KCNH7: variants seen among roughly 807,000 people sequenced by gnomAD.
KCNH7 encodes the protein potassium voltage-gated channel subfamily H member 7.
In KCNH7, 49 loss-of-function variants were observed where a neutral mutation model predicts 120.8. The observed-to-expected ratio is 0.41, with a 90% CI of 0.32 to 0.51. The LOEUF (loss-of-function observed/expected upper bound fraction) is 0.51. Among genes scored for constraint, KCNH7 ranks in the 20% least tolerant of loss-of-function variants. KCNH7 has a pLI of 0.38. For synonymous variants in KCNH7, 547 were observed against 516.1 expected, an observed-to-expected ratio of 1.06 and a Z score of -0.81; for missense variants, 1,097 against 1,446.6, an observed-to-expected ratio of 0.76 and a Z score of 3.92.
At chr2:162,378,458 T>C (rs978722932) in intron 14 of KCNH7, among the ~76,000 whole-genome samples, 1 of 152,114 alleles carries the variant, frequency 6.6e-6, no homozygotes, top group African/African-American at 2.4e-5. Context: ...ACACAAAAAT[T>C]TAAGCATAAA....
Position 162,526,265 on chromosome 2 carries a change from G to A in KCNH7, c.464-8107C>T, listed in dbSNP as rs544262480. Among the ~76,000 whole-genome samples, 97 of 152,086 alleles carry A rather than the reference G, an allele frequency of 6.4e-4. 2 individuals carry two copies. The South Asian group carries it at 0.014, about 21-fold the overall frequency. On this transcript the variant is annotated intron_variant, in intron 3 of 15. Coordinates refer to ENST00000332142, the MANE Select transcript of KCNH7 (RefSeq NM_033272.4). ...CACAAGGCAAATGGAGGCAGGGCAA[G>A]ATCACAGGACCACAGGACCGAGGTG... is the stretch of plus-strand genomic sequence containing the variant.
chr2:162,449,553 T>C (rs928574228), intron 6 of KCNH7, among the ~76,000 whole-genome samples: 1 of 152,094 alleles, frequency 6.6e-6, no homozygotes, highest in South Asian at 2.1e-4. Flanking sequence ...ATCCAATAAC[T>C]GGTATCCCTA....
intron 2 of KCNH7, among the ~76,000 whole-genome samples, chr2:162,632,725 A>T (rs1345000111): frequency 6.6e-6 from 1 of 151,846 alleles, no homozygotes; most frequent in Non-Finnish European, 1.5e-5. Flanking sequence ...CTTTATTTAA[A>T]AACCTGAAGA....
At chr2:162,511,694 C>A (rs1691081654) in intron 5 of KCNH7, among the ~76,000 whole-genome samples, 2 of 151,628 alleles carry the variant, frequency 1.3e-5, no homozygotes, top group South Asian at 4.1e-4. Flanking sequence ...CCATCACCAG[C>A]TCTGAATTAT....
chr2:162,532,007 C>T (rs562834075), intron 3 of KCNH7, among the ~76,000 whole-genome samples: 2 of 151,988 alleles, frequency 1.3e-5, no homozygotes, highest in African/African-American at 4.8e-5. Flanking sequence ...AGGCTTCCAG[C>T]TTCCCATAGA....
At chr2:162,698,036 A>G (rs1686353434) in intron 2 of KCNH7, among the ~76,000 whole-genome samples, 1 of 152,152 alleles carries the variant, frequency 6.6e-6, no homozygotes, top group South Asian at 2.1e-4. Flanking sequence ...AGCGCATACA[A>G]ATTGGATTCA....
chr2:162,676,919 C>CA (rs142004629), intron 2 of KCNH7, among the ~76,000 whole-genome samples: 1,722 of 151,036 alleles, frequency 0.011, 32 homozygotes, highest in African/African-American at 0.039. Flanking sequence ...ATATCATTTA[C>CA]GAAAAAAATT....
intron 2 of KCNH7, among the ~76,000 whole-genome samples, chr2:162,541,694 G>A (rs763221842): frequency 3.2e-4 from 48 of 152,156 alleles, no homozygotes; most frequent in Admixed American, 6.6e-4. Context: ...TGTAAGAGGC[G>A]GGGGATCGGG....
At chr2:162,584,921 T>TCTAC (rs1693981247) in intron 2 of KCNH7, among the ~76,000 whole-genome samples, 1 of 148,714 alleles carries the variant, frequency 6.7e-6, no homozygotes, top group Non-Finnish European at 1.5e-5. Flanking sequence ...TTTTTTTTAG[T>TCTAC]CTGTAAAGCA....
chr2:162,702,121 C>T (rs2105344977), intron 2 of KCNH7, among the ~76,000 whole-genome samples: 1 of 151,874 alleles, frequency 6.6e-6, no homozygotes, highest in Non-Finnish European at 1.5e-5. Context: ...AAAATTTTTT[C>T]AAAATATTCG....
At chr2:162,457,973 A>G (rs1689024236) in intron 6 of KCNH7, among the ~76,000 whole-genome samples, 1 of 152,168 alleles carries the variant, frequency 6.6e-6, no homozygotes, top group Non-Finnish European at 1.5e-5. Context: ...CACACAATAA[A>G]TCAAAGATGT....
rs534812981 is a variant in KCNH7, at chr2:162,595,174, T to C, written c.308-58094A>G. ...GGAGGCCTCAGGAAACTTACAATCA[T>C]GGCAGAAGGCAAAGGAGAAGCAAGC... On this transcript the variant is annotated intron_variant, in intron 2 of 15. Coordinates refer to ENST00000332142, the MANE Select transcript of KCNH7 (RefSeq NM_033272.4). Among the ~76,000 whole-genome samples the C allele has an allele frequency of 6.3e-4, 96 of 152,146 alleles. 1 individual carries two copies. The highest frequency in any genetic ancestry group is 2.2e-3 in the African/African-American group (90 of 41,540).
At chr2:162,687,158 A>ATTC (rs1232535155) in intron 2 of KCNH7, among the ~76,000 whole-genome samples, 2 of 152,006 alleles carry the variant, frequency 1.3e-5, no homozygotes, top group Admixed American at 1.3e-4. Context: ...CTCGGGTCAT[A>ATTC]TTCTCCACGG....
chr2:162,523,022 T>G (rs930085945), intron 3 of KCNH7, among the ~76,000 whole-genome samples: 1 of 151,990 alleles, frequency 6.6e-6, no homozygotes, highest in Admixed American at 6.6e-5. Flanking sequence ...TCTTTCTCTG[T>G]GAAAAGTCTA....
chr2:162,504,506 A>G lies in KCNH7; in HGVS notation c.1065T>C (p.Asp355=). Residue 355 remains aspartate, a synonymous_variant, in exon 6 of 16, where the codon GAT becomes GAC. Transcript: ENST00000332142. ...TAACCTTGGGTGCAATAATGGTTTT[A>G]TCTGAAGAAGGAGGTGATGAATTCT... ...EKKNSSPPSS[D]KTIIAPKVKD... is the part of the protein sequence containing the mutation. The G allele has an allele frequency of 1.2e-6, 2 of 1,613,164 alleles. No homozygotes were observed.
rs762146024 is a variant in KCNH7, at chr2:162,517,958, G to A, written c.664C>T (p.Pro222Ser). The change falls in exon 4 of 16, where the codon CCC becomes TCC. Residue 222 changes from proline (P) to serine (S), a missense_variant. Coordinates refer to ENST00000332142, the MANE Select transcript of KCNH7 (RefSeq NM_033272.4). ...TTCACCAAGGGAGAACATTTGCTGGGCTGTATCAAAGCTTTTGTGTCATCT... is the reference window on the plus strand; with the variant it reads ...TTCACCAAGGGAGAACATTTGCTGGACTGTATCAAAGCTTTTGTGTCATCT... ...EADDTKALIQ[P>S]SKCSPLVNIS... 44 of 1,612,456 alleles carry A rather than the reference G, an allele frequency of 2.7e-5. No homozygotes were observed. The highest frequency in any genetic ancestry group is 3.7e-5 in the Non-Finnish European group (44 of 1,178,910).
At chr2:162,476,913 T>C (rs1007175092) in intron 6 of KCNH7, among the ~76,000 whole-genome samples, 1 of 152,206 alleles carries the variant, frequency 6.6e-6, no homozygotes, top group African/African-American at 2.4e-5. Flanking sequence ...CAAGCTTTTA[T>C]ATAATAACAA....
chr2:162,745,774 T>A (rs1688294680), intron 2 of KCNH7, among the ~76,000 whole-genome samples: 1 of 152,112 alleles, frequency 6.6e-6, no homozygotes, highest in African/African-American at 2.4e-5. Context: ...ATTCTAAGCA[T>A]GTATTAGATA....
At chr2:162,445,643 C>T (rs1019209518) in intron 7 of KCNH7, among the ~76,000 whole-genome samples, 2 of 152,132 alleles carry the variant, frequency 1.3e-5, no homozygotes, top group African/African-American at 4.8e-5. Flanking sequence ...AAACAAATCT[C>T]TGCTGTCTCA....
Sources: allele counts gnomAD v4.1 joint callset (sites outside exome capture counted in the v4.1 genomes callset), GRCh38; gene constraint gnomAD v4.1.1; transcripts MANE v1.5; gene names NCBI Gene and HGNC (gene_info 2026-07-23, HGNC 2026-07-21).